The following PTCH1 variants were observed in gnomAD, a reference collection of about 807,000 sequenced individuals.
The protein encoded by PTCH1 is protein patched homolog 1.
In PTCH1, 14 loss-of-function variants were observed where a neutral mutation model predicts 144.6. That is an observed-to-expected ratio of 0.10 (90% CI 0.06 to 0.15). The LOEUF is 0.15. Among genes scored for constraint, PTCH1 ranks in the 10% least tolerant of loss-of-function variants. PTCH1 has a pLI of 1.00. For missense variants in PTCH1, 1,623 were observed against 1,948.3 expected (o/e 0.83, Z 3.14); for synonymous variants, 833 against 793.6 (o/e 1.05, Z -0.83).
chr9:95,452,358 A>ACACACACACACACAC (rs1239066232), intron 20 of PTCH1: 1 of 94,030 alleles, frequency 1.1e-5, no homozygotes, highest in East Asian at 2.8e-4. Flanking sequence ...CACACACACA[A>ACACACACACACACAC]CCTCTCAGTA....
At chr9:95,504,072 A>G in intron 2 of PTCH1, among the ~76,000 whole-genome samples, 1 of 141,612 alleles carries the variant, frequency 7.1e-6, no homozygotes, top group Admixed American at 7.2e-5. Flanking sequence ...AAAGATAATA[A>G]TAGCTATTTT....
chr9:95,472,776 CCTA>C (rs1024074973), intron 12 of PTCH1, among the ~76,000 whole-genome samples: 1 of 152,212 alleles, frequency 6.6e-6, no homozygotes, highest in African/African-American at 2.4e-5. Flanking sequence ...TTTCTCATAA[CCTA>C]CTACATGTAT....
At position 95,508,190 on chromosome 9, in the gene PTCH1, C is replaced by A; in HGVS notation, c.172G>T (p.Ala58Ser). ...DYLHRPSYCD[A>S]AFALEQISKG... ...GAAATCTGCTCCAGAGCGAAGGCGG[C>A]GTCGCAGTAGCTGGGCCGGTGCAGA... The change falls in exon 1 of 24, where the codon GCC becomes TCC. Residue 58 changes from alanine to serine, a missense_variant. Coordinates refer to ENST00000331920, the MANE Select transcript of PTCH1 (RefSeq NM_000264.5). The A allele has an allele frequency of 6.2e-7, 1 of 1,612,620 alleles. No homozygotes were observed. Among genetic ancestry groups the A allele is most frequent in the East Asian group, 2.2e-5 (1 of 44,850 alleles).
chr9:95,467,367 C>T lies in PTCH1; in HGVS notation c.2309G>A (p.Arg770Gln), dbSNP rs762942660. ...CGTAAGGTCCAGCCCGTCTCTCACT[C>T]GGGTGGTGCCATAAAGGCTGACCCC... ...LLGVSLYGTT[R>Q]VRDGLDLTDI... Residue 770 changes from arginine (R) to glutamine (Q), a missense_variant, in exon 15 of 24, where the codon CGA becomes CAA. By Grantham distance (43) the Arg-to-Gln change is conservative. Coordinates refer to ENST00000331920, the MANE Select transcript of PTCH1 (RefSeq NM_000264.5). 1.1e-5 allele frequency: 17 copies of T among 1,614,090 alleles called. No individual in the cohort carries two copies. Among genetic ancestry groups the T allele is most frequent in the East Asian group, 2.2e-5 (1 of 44,892 alleles).
chr9:95,457,952 TG>T, intron 18 of PTCH1, 60 bp downstream of exon 18: 1 of 1,603,686 alleles, frequency 6.2e-7, no homozygotes, highest in Non-Finnish European at 8.5e-7. Flanking sequence ...ACTTCCCGGC[TG>T]CAGAAAGAGC....
Position 95,449,706 on chromosome 9 carries a change from C to G in PTCH1, c.3549+135G>C. The G allele has an allele frequency of 2.2e-6, 2 of 921,676 alleles. No individual in the cohort carries two copies. Among genetic ancestry groups the G allele is most frequent in the South Asian group, 2.9e-5 (2 of 69,988 alleles). The allele number at this position is 921,676 out of a possible 1,614,324, so 57.1% of individuals were successfully genotyped here. ...AAAGCCAGTACACCGAAGAGGAAAA[C>G]AGACATGACTCTGAGATGTTTACTG... On this transcript the variant is annotated intron_variant, in intron 21 of 23. Coordinates refer to ENST00000331920, the MANE Select transcript of PTCH1 (RefSeq NM_000264.5). This position sits in a 1 kb window ranked among gnomAD's most constrained non-coding sequence, Gnocchi z 5.3.
At chr9:95,507,237 T>C in intron 1 of PTCH1, 1 of 985,530 alleles carries the variant, frequency 1.0e-6, no homozygotes, top group Non-Finnish European at 1.2e-6. Context: ...ACGACAATAT[T>C]TGTGATCGGA....
intron 9 of PTCH1, 29 bp downstream of exon 9, chr9:95,478,026 G>C (rs752340395): frequency 6.8e-6 from 11 of 1,614,094 alleles, no homozygotes; most frequent in Non-Finnish European, 9.3e-6. Context: ...CCAAACTCCA[G>C]CCCCCAGGAG....
At chr9:95,498,456 G>C (rs1331326182) in intron 2 of PTCH1, among the ~76,000 whole-genome samples, 1 of 152,154 alleles carries the variant, frequency 6.6e-6, no homozygotes, top group African/African-American at 2.4e-5. Context: ...CATGACAGCT[G>C]TTTTTCCAGC....
intron 2 of PTCH1, among the ~76,000 whole-genome samples, chr9:95,494,084 G>A (rs567996499): frequency 2.0e-5 from 3 of 149,932 alleles, no homozygotes; most frequent in East Asian, 1.9e-4. Context: ...GGAACCGCAC[G>A]GGACCGCACG....
rs770578475 is a variant in PTCH1 at position 95,443,746 on chromosome 9, C to T, written c.*2647G>A. On this transcript the variant is annotated 3_prime_UTR_variant, in exon 24 of 24. Transcript: ENST00000331920. ...CAAAAGACTTGATGACTACTATGTACACTACAAAAATAAATCTTCATATAA... is the reference window on the plus strand; with the variant it reads ...CAAAAGACTTGATGACTACTATGTATACTACAAAAATAAATCTTCATATAA... 1 of 152,578 alleles carries T rather than the reference C, an allele frequency of 6.6e-6. No homozygotes were observed. Among genetic ancestry groups the T allele is most frequent in the Non-Finnish European group, 1.5e-5 (1 of 68,028 alleles). The allele number at this position is 152,578 out of a possible 1,614,324, so 9.5% of individuals were successfully genotyped here. A position where few individuals can be genotyped will look rare whatever the true frequency, so the allele number is the denominator to read the frequency against.
chr9:95,475,268 A>G (rs2118228125), intron 12 of PTCH1, among the ~76,000 whole-genome samples: 1 of 152,322 alleles, frequency 6.6e-6, no homozygotes, highest in Non-Finnish European at 1.5e-5. Context: ...TCTGGATTAG[A>G]AAATACCCTG....
intron 14 of PTCH1, 107 bp from the exon 15 acceptor site, chr9:95,467,532 C>A (rs1840126149): frequency 1.8e-6 from 2 of 1,099,564 alleles, no homozygotes; most frequent in Admixed American, 4.0e-5. Context: ...CACACTTAAA[C>A]TGATTTATCT....
At chr9:95,480,893 A>G in intron 5 of PTCH1, among the ~76,000 whole-genome samples, 1 of 148,256 alleles carries the variant, frequency 6.7e-6, no homozygotes, top group Non-Finnish European at 1.5e-5. Context: ...CCAAAAAGAC[A>G]GATCCAAAAT....
chr9:95,475,060 G>T (rs576761934), intron 12 of PTCH1, among the ~76,000 whole-genome samples: 1 of 152,252 alleles, frequency 6.6e-6, no homozygotes, highest in South Asian at 2.1e-4. Context: ...AAAACTCCAG[G>T]CCACTTTGCG....
intron 20 of PTCH1, chr9:95,452,327 TGA>T (rs1838528971): frequency 1.3e-5 from 1 of 79,608 alleles, no homozygotes; most frequent in East Asian, 5.4e-4. Context: ...TCTCTCTCTC[TGA>T]CACACACACA....
At chr9:95,459,330 G>A (rs925934452) in intron 17 of PTCH1, among the ~76,000 whole-genome samples, 9 of 152,238 alleles carry the variant, frequency 5.9e-5, no homozygotes, top group African/African-American at 1.9e-4. Flanking sequence ...ACAGGGAACA[G>A]CTGGCACGTG....
At chr9:95,492,208 C>T (rs1054098328) in intron 2 of PTCH1, among the ~76,000 whole-genome samples, 2 of 152,162 alleles carry the variant, frequency 1.3e-5, no homozygotes, top group South Asian at 2.1e-4. Flanking sequence ...AGGTGGAGAC[C>T]GGAAGCTGCT....
chr9:95,498,430 T>G (rs981034309), intron 2 of PTCH1, among the ~76,000 whole-genome samples: 1 of 152,150 alleles, frequency 6.6e-6, no homozygotes, highest in East Asian at 1.9e-4. Flanking sequence ...CCACCAACAA[T>G]ACAGTTTCCC....
Sources: allele counts gnomAD v4.1 joint callset (sites outside exome capture counted in the v4.1 genomes callset), GRCh38; gene constraint gnomAD v4.1.1; non-coding constraint Gnocchi (gnomAD v3.1); transcripts MANE v1.5; gene names NCBI Gene and HGNC (gene_info 2026-07-23, HGNC 2026-07-21).